The following MARCHF11 variants were observed in gnomAD, a reference collection of about 807,000 sequenced individuals.
MARCHF11 encodes the protein E3 ubiquitin-protein ligase MARCHF11.
Under a neutral mutation model 37.3 loss-of-function variants are expected in MARCHF11, and 29 were observed. That is an observed-to-expected ratio of 0.78 (90% CI 0.58 to 1.06). The LOEUF is 1.06. Ranked by LOEUF, MARCHF11 falls within the 50% of genes least tolerant of loss-of-function variation. The probability of loss-of-function intolerance (pLI) is 0.00; values close to 1 mark genes in which losing one functional copy is unlikely to be tolerated. For synonymous variants in MARCHF11, 233 were observed against 228.0 expected, an observed-to-expected ratio of 1.02 and a Z score of -0.20; for missense variants, 482 against 533.4, an observed-to-expected ratio of 0.90 and a Z score of 0.95.
chr5:16,130,525 CTAAA>C (rs758506115), intron 2 of MARCHF11, among the ~76,000 whole-genome samples: 9 of 151,998 alleles, frequency 5.9e-5, no homozygotes, highest in Non-Finnish European at 1.0e-4. Context: ...CAGGGTGCTA[CTAAA>C]TAGAGAGGAT....
At chr5:16,103,309 G>A (rs1309391094) in intron 2 of MARCHF11, among the ~76,000 whole-genome samples, 1 of 152,148 alleles carries the variant, frequency 6.6e-6, no homozygotes, top group Admixed American at 6.5e-5. Context: ...AGAGGACCTG[G>A]AGAGGTGAAG....
intron 2 of MARCHF11, among the ~76,000 whole-genome samples, chr5:16,095,915 G>T (rs1450213046): frequency 6.6e-6 from 1 of 152,096 alleles, no homozygotes; most frequent in East Asian, 1.9e-4. Flanking sequence ...GGAAATACAC[G>T]GAATTCTGAC....
At chr5:16,080,594 C>T (rs1736591496) in intron 3 of MARCHF11, among the ~76,000 whole-genome samples, 1 of 152,152 alleles carries the variant, frequency 6.6e-6, no homozygotes, top group Admixed American at 6.5e-5. Flanking sequence ...CTTCTGATAG[C>T]CAGTGTTTTA....
intron 2 of MARCHF11, among the ~76,000 whole-genome samples, chr5:16,160,903 T>G (rs935148214): frequency 6.6e-6 from 1 of 152,018 alleles, no homozygotes; most frequent in African/African-American, 2.4e-5. Context: ...CAACCGTAGT[T>G]CGTGTGAAAC....
chr5:16,165,227 C>A (rs948962006), intron 2 of MARCHF11, among the ~76,000 whole-genome samples: 3 of 152,000 alleles, frequency 2.0e-5, no homozygotes, highest in African/African-American at 7.2e-5. Flanking sequence ...TGTTCTTGGC[C>A]TTCCCTACAT....
intron 2 of MARCHF11, among the ~76,000 whole-genome samples, chr5:16,126,625 C>T (rs1188580681): frequency 2.0e-5 from 3 of 152,100 alleles, no homozygotes; most frequent in Non-Finnish European, 4.4e-5. Flanking sequence ...GTTCTAAATT[C>T]GCTAGGGCAA....
At chr5:16,094,886 T>C (rs1448775305) in intron 2 of MARCHF11, among the ~76,000 whole-genome samples, 1 of 152,198 alleles carries the variant, frequency 6.6e-6, no homozygotes, top group African/African-American at 2.4e-5. Flanking sequence ...AGGTTATTTA[T>C]TTGTATTAAG....
intron 2 of MARCHF11, among the ~76,000 whole-genome samples, chr5:16,131,412 A>C (rs1034182145): frequency 2.6e-5 from 4 of 152,264 alleles, no homozygotes; most frequent in Non-Finnish European, 5.9e-5. Context: ...TTTGAACTAG[A>C]ATAAATATAC....
chr5:16,114,127 T>C (rs1291648487), intron 2 of MARCHF11, among the ~76,000 whole-genome samples: 2 of 152,228 alleles, frequency 1.3e-5, no homozygotes, highest in Non-Finnish European at 2.9e-5. Flanking sequence ...CAAGATTTCA[T>C]TTTTTTATGG....
intron 3 of MARCHF11, among the ~76,000 whole-genome samples, chr5:16,083,441 G>A (rs776365347): frequency 2.0e-5 from 3 of 151,948 alleles, no homozygotes; most frequent in African/African-American, 4.8e-5. Context: ...TTAAGAAATC[G>A]CTACCTATCG....
intron 2 of MARCHF11, among the ~76,000 whole-genome samples, chr5:16,098,600 T>C (rs1385703004): frequency 6.6e-6 from 1 of 151,870 alleles, no homozygotes; most frequent in Non-Finnish European, 1.5e-5. Flanking sequence ...AAACCCTGTC[T>C]CTACTAAAAA....
At chr5:16,149,832 C>T (rs1220604740) in intron 2 of MARCHF11, among the ~76,000 whole-genome samples, 1 of 152,084 alleles carries the variant, frequency 6.6e-6, no homozygotes, top group Admixed American at 6.6e-5. Context: ...TACATCCATA[C>T]AATGGAATAC....
intron 2 of MARCHF11, among the ~76,000 whole-genome samples, chr5:16,100,744 A>G (rs547019123): frequency 1.3e-5 from 2 of 152,336 alleles, no homozygotes; most frequent in South Asian, 2.1e-4. Flanking sequence ...GGAGGAAGGT[A>G]TATCAGAGCA....
At chr5:16,100,319 C>G (rs544602884) in intron 2 of MARCHF11, among the ~76,000 whole-genome samples, 13 of 152,180 alleles carry the variant, frequency 8.5e-5, no homozygotes, top group Admixed American at 4.6e-4. Flanking sequence ...AACTCCAGGA[C>G]CAGAAGAATA....
chr5:16,169,847 T>C (rs1455111797), intron 2 of MARCHF11, among the ~76,000 whole-genome samples: 1 of 152,140 alleles, frequency 6.6e-6, no homozygotes, highest in Non-Finnish European at 1.5e-5. Context: ...GGAAGTACTC[T>C]CATTTTGCCC....
intron 2 of MARCHF11, among the ~76,000 whole-genome samples, chr5:16,132,993 A>G (rs1420270975): frequency 2.0e-5 from 3 of 152,220 alleles, no homozygotes; most frequent in Non-Finnish European, 4.4e-5. Context: ...GTACTTAATC[A>G]GAGTAAAATT....
intron 2 of MARCHF11, among the ~76,000 whole-genome samples, chr5:16,105,853 C>T (rs1287311312): frequency 6.6e-6 from 1 of 152,050 alleles, no homozygotes; most frequent in Non-Finnish European, 1.5e-5. Context: ...AGTTCCCCTC[C>T]CATCTCTGGT....
At chr5:16,079,897 T>C (rs1215731147) in intron 3 of MARCHF11, among the ~76,000 whole-genome samples, 1 of 152,172 alleles carries the variant, frequency 6.6e-6, no homozygotes, top group East Asian at 1.9e-4. Flanking sequence ...AAGCCCTTCC[T>C]GGGTGCTGGG....
At chr5:16,153,830 A>G (rs77917212) in intron 2 of MARCHF11, among the ~76,000 whole-genome samples, 4,925 of 152,058 alleles carry the variant, frequency 0.032, 287 homozygotes, top group African/African-American at 0.11. Context: ...CATGCTATGT[A>G]ATCTGAAGTG....
Sources: allele counts gnomAD v4.1 joint callset (sites outside exome capture counted in the v4.1 genomes callset), GRCh38; gene constraint gnomAD v4.1.1; transcripts MANE v1.5; gene names NCBI Gene and HGNC (gene_info 2026-07-23, HGNC 2026-07-21).